Variants in PXN observed in about 807,000 individuals in gnomAD.
PXN encodes testicular tissue protein Li 134.
PXN carries 61 observed loss-of-function variants against 103.6 expected under a neutral mutation model. The ratio of observed to expected loss-of-function variants is 0.59; its 90% CI spans 0.48 to 0.73. PXN has a LOEUF of 0.73. Among genes scored for constraint, PXN ranks in the 30% least tolerant of loss-of-function variants. The probability of loss-of-function intolerance (pLI) is 0.00; values close to 1 mark genes in which losing one functional copy is unlikely to be tolerated. For synonymous variants in PXN, 562 were observed against 607.8 expected (o/e 0.92, Z 1.11); for missense variants, 1,274 against 1,460.3 (o/e 0.87, Z 2.08).
chr12:120,232,439 C>T (rs548598269), intron 1 of PXN, among the ~76,000 whole-genome samples: 4 of 152,336 alleles, frequency 2.6e-5, no homozygotes, highest in Admixed American at 2.0e-4. Flanking sequence ...ATGTCATCCA[C>T]CTCTTTAGGT....
rs1235041814 is a variant in PXN, at chr12:120,217,135, G to A, written c.1717-19C>T. On this transcript the variant is annotated intron_variant, in intron 7 of 14. Coordinates refer to ENST00000637617, the MANE Select transcript of PXN (RefSeq NM_001385981.1). The surrounding 1 kb of genome is among the most constrained non-coding windows in gnomAD (Gnocchi z 4.1). ...ATCGGATCTAGGGGGAGGGGGAGGG[G>A]AGGCTGTCACCGTCCCACTCCCAGC... 5 of 1,558,888 alleles carry A rather than the reference G, an allele frequency of 3.2e-6. No homozygotes were observed. The highest frequency in any genetic ancestry group is 2.3e-5 in the South Asian group (2 of 86,374).
At chr12:120,230,320 C>T (rs980272130) in intron 1 of PXN, among the ~76,000 whole-genome samples, 1 of 152,190 alleles carries the variant, frequency 6.6e-6, no homozygotes, top group Non-Finnish European at 1.5e-5. Context: ...AGTCCCTGTC[C>T]TAGGGGGTCT....
At chr12:120,233,188 C>T (rs528978338) in intron 1 of PXN, among the ~76,000 whole-genome samples, 2 of 152,336 alleles carry the variant, frequency 1.3e-5, no homozygotes, top group South Asian at 4.1e-4. Flanking sequence ...AACTTCTTGG[C>T]ACCCAGCCTT....
At chr12:120,259,343 G>A (rs1293502073) in intron 1 of PXN, among the ~76,000 whole-genome samples, 2 of 152,110 alleles carry the variant, frequency 1.3e-5, no homozygotes, top group Admixed American at 1.3e-4. Context: ...AGTGAGCCAA[G>A]ATCGCGCTGC....
Position 120,224,267 on chromosome 12 carries a change from C to G in PXN, c.124G>C (p.Glu42Gln), listed in dbSNP as rs746814882. ...GGGACGGGGGGTGGCACGGCAATCT[C>G]CTGGTATGTGTGGTTTCCAGTTGGG... ...SYPTGNHTYQ[E>Q]IAVPPPVPPP... The change falls in exon 2 of 15, where the codon GAG (glutamate) becomes CAG (glutamine). Residue 42 changes from glutamate to glutamine, a missense_variant. By Grantham distance (29) the Glu-to-Gln change is conservative. This residue lies in a region of PXN where 1,178 missense variants were observed against 1,309.0 expected (regional missense o/e 0.90). Coordinates refer to ENST00000637617, the MANE Select transcript of PXN (RefSeq NM_001385981.1). This position sits in a 1 kb window ranked among gnomAD's most constrained non-coding sequence, Gnocchi z 5.0. 3.7e-6 allele frequency: 6 copies of G among 1,613,702 alleles called. No homozygotes were observed. The highest frequency in any genetic ancestry group is 4.2e-6 in the Non-Finnish European group (5 of 1,179,780).
In PXN at chr12:120,217,339, G is replaced by A. The variant is rs1245178881; in HGVS notation, c.1717-223C>T. ...GACTGGCTCCAGAAGCACAGGCTGCGAGCGAGACCTCTGACCCAGCATTCA... is the reference window on the plus strand; with the variant it reads ...GACTGGCTCCAGAAGCACAGGCTGCAAGCGAGACCTCTGACCCAGCATTCA... On this transcript the variant is annotated intron_variant, in intron 7 of 14. Transcript: ENST00000637617. The surrounding 1 kb of genome is among the most constrained non-coding windows in gnomAD (Gnocchi z 4.1). Among the ~76,000 whole-genome samples the A allele has an allele frequency of 6.6e-6, 1 of 152,148 alleles. No individual in the cohort carries two copies. The highest frequency in any genetic ancestry group is 2.4e-5 in the African/African-American group (1 of 41,408).
intron 1 of PXN, among the ~76,000 whole-genome samples, chr12:120,249,028 G>A (rs1044581604): frequency 3.3e-5 from 5 of 152,022 alleles, no homozygotes; most frequent in African/African-American, 4.8e-5. Context: ...TCCCAGATAC[G>A]TGGGAGGCTG....
Position 120,217,274 on chromosome 12 carries a change from C to A in PXN, c.1717-158G>T, listed in dbSNP as rs1431074540. 6.6e-6 allele frequency among the ~76,000 whole-genome samples: 1 copy of A among 151,946 alleles called. No homozygotes were observed. The highest frequency in any genetic ancestry group is 1.5e-5 in the Non-Finnish European group (1 of 67,982). ...AGGCACGGGGAGGGGGCAGATTGGA[C>A]CGGTGGAGGTGGGTAGAGGCAAGGG... On this transcript the variant is annotated intron_variant, in intron 7 of 14. Transcript: ENST00000637617. The surrounding 1 kb of genome is among the most constrained non-coding windows in gnomAD (Gnocchi z 4.1).
In PXN at chr12:120,224,076, C is replaced by A. The variant is rs1886081698; in HGVS notation, c.240+75G>T. 8.1e-7 allele frequency: 1 copy of A among 1,235,578 alleles called. No homozygotes were observed. The highest frequency in any genetic ancestry group is 1.5e-5 in the African/African-American group (1 of 65,856). 76.5% of individuals were successfully genotyped at this position (1,235,578 alleles called of 1,614,324 possible). ...CCCAATTCCATTCCATCCCCTGGCT[C>A]CCTAAGCCCCTGCCAGCTAAGTTCC... is the stretch of plus-strand genomic sequence containing the variant. On this transcript the variant is annotated intron_variant, in intron 2 of 14. Coordinates refer to ENST00000637617, the MANE Select transcript of PXN (RefSeq NM_001385981.1). The surrounding 1 kb of genome is among the most constrained non-coding windows in gnomAD (Gnocchi z 5.0).
chr12:120,246,785 G>A (rs923726485), intron 1 of PXN, among the ~76,000 whole-genome samples: 24 of 151,562 alleles, frequency 1.6e-4, no homozygotes, highest in South Asian at 6.3e-4. Flanking sequence ...AACCCGGGAG[G>A]CAGAGGTTGC....
Position 120,219,172 on chromosome 12 carries a change from G to GGCCATGCCCAGCA in PXN, c.1716+22_1716+34dup, listed in dbSNP as rs1381942587. Reference sequence around the variant, plus strand: ...GCGGCCCACACTCAGACCCGCCAATGGCCATGCCCAGCAGCCATGCGAGCT... The same window carrying GGCCATGCCCAGCA: ...GCGGCCCACACTCAGACCCGCCAATGGCCATGCCCAGCAGCCATGCCCAGCAGCCATGCGAGCT... On this transcript the variant is annotated intron_variant, in intron 7 of 14. Coordinates refer to ENST00000637617, the MANE Select transcript of PXN (RefSeq NM_001385981.1). This position sits in a 1 kb window ranked among gnomAD's most constrained non-coding sequence, Gnocchi z 6.5. 6.6e-7 allele frequency: 1 copy of GGCCATGCCCAGCA among 1,512,156 alleles called. No homozygotes were observed. Among genetic ancestry groups the GGCCATGCCCAGCA allele is most frequent in the Admixed American group, 2.1e-5 (1 of 47,676 alleles). The allele number at this position is 1,512,156 out of a possible 1,614,324, so 93.7% of individuals were successfully genotyped here.
At position 120,246,138 on chromosome 12, in the gene PXN, GC is replaced by G. The variant is rs1333773805; in HGVS notation, c.13+19478del. On this transcript the variant is annotated intron_variant, in intron 1 of 14. Coordinates refer to ENST00000637617, the MANE Select transcript of PXN (RefSeq NM_001385981.1). The stretch of plus-strand genomic sequence containing the variant: ...ACAATGGCTCACACCTATAATCCCA[GC>G]GCATTGGGAGGCCAAAGCAGGAGGA... Among the ~76,000 whole-genome samples, 474 of 152,280 alleles carry G rather than the reference GC, an allele frequency of 3.1e-3. 1 individual carries two copies. The highest frequency in any genetic ancestry group is 0.011 in the African/African-American group (457 of 41,554).
In PXN at chr12:120,216,243, C is replaced by T; in HGVS notation, c.2301+30G>A. On this transcript the variant is annotated intron_variant, in intron 9 of 14. Transcript: ENST00000637617. The surrounding 1 kb of genome is among the most constrained non-coding windows in gnomAD (Gnocchi z 5.1). Reference sequence around the variant, plus strand: ...ATGGCTCAGGCATTAGGACAGGGGACAGAAAGGGAGGGGCTCCTTTAAGGC... The same window carrying T: ...ATGGCTCAGGCATTAGGACAGGGGATAGAAAGGGAGGGGCTCCTTTAAGGC... 1 of 1,270,108 alleles carries T rather than the reference C, an allele frequency of 7.9e-7. No individual in the cohort carries two copies. The highest frequency in any genetic ancestry group is 3.2e-5 in the South Asian group (1 of 31,010). The allele number at this position is 1,270,108 out of a possible 1,614,324, so 78.7% of individuals were successfully genotyped here. A position where few individuals can be genotyped will look rare whatever the true frequency, so the allele number is the denominator to read the frequency against.
Position 120,224,820 on chromosome 12 carries a change from C to T in PXN, c.14-443G>A, listed in dbSNP as rs1454358844. 4.5e-6 allele frequency: 2 copies of T among 439,636 alleles called. No individual in the cohort carries two copies. The highest frequency in any genetic ancestry group is 1.6e-5 in the South Asian group (1 of 63,702). 27.2% of individuals were successfully genotyped at this position (439,636 alleles called of 1,614,324 possible). ...CAGGCCCTCACTTGATTTCTAAGAGCTTAGGCTTTCCCAGCCCCCGACTGG... is the reference window on the plus strand; with the variant it reads ...CAGGCCCTCACTTGATTTCTAAGAGTTTAGGCTTTCCCAGCCCCCGACTGG... On this transcript the variant is annotated intron_variant, in intron 1 of 14. Transcript: ENST00000637617. This position sits in a 1 kb window ranked among gnomAD's most constrained non-coding sequence, Gnocchi z 5.0.
At chr12:120,256,633 C>T (rs538012020) in intron 1 of PXN, among the ~76,000 whole-genome samples, 1 of 152,234 alleles carries the variant, frequency 6.6e-6, no homozygotes, top group East Asian at 1.9e-4. Flanking sequence ...CTACTATGTG[C>T]TAAGCACCTC....
chr12:120,230,068 C>G (rs1052855613), intron 1 of PXN, among the ~76,000 whole-genome samples: 2 of 152,210 alleles, frequency 1.3e-5, no homozygotes, highest in Non-Finnish European at 2.9e-5. Flanking sequence ...AGGTATTTTC[C>G]AGCCCCTTCA....
At chr12:120,248,506 A>T (rs1474748796) in intron 1 of PXN, among the ~76,000 whole-genome samples, 3 of 147,136 alleles carry the variant, frequency 2.0e-5, no homozygotes, top group African/African-American at 7.4e-5. Context: ...ACACACACAC[A>T]CACACACACA....
Position 120,216,716 on chromosome 12 carries a change from A to G in PXN, c.1992+125T>C, listed in dbSNP as rs1883170256. ...AGTGGGGCCAGTCTTCCAAAGTCAC[A>G]GGAGGCAAGAAACCCCCACCCTCTC... On this transcript the variant is annotated intron_variant, in intron 8 of 14. Transcript: ENST00000637617. This position sits in a 1 kb window ranked among gnomAD's most constrained non-coding sequence, Gnocchi z 5.1. 3 of 1,594,280 alleles carry G rather than the reference A, an allele frequency of 1.9e-6. No homozygotes were observed. Among genetic ancestry groups the G allele is most frequent in the East Asian group, 4.5e-5 (2 of 44,510 alleles).
Position 120,212,673 on chromosome 12 carries a change from C to T in PXN, c.2980-93G>A, listed in dbSNP as rs564609962. ...CCGAGGTGGGCATAGTCGGCACGCT[C>T]GGAGTGACTCCTACTTGCTAGGCGT... On this transcript the variant is annotated intron_variant, in intron 14 of 14. Coordinates refer to ENST00000637617, the MANE Select transcript of PXN (RefSeq NM_001385981.1). The surrounding 1 kb of genome is among the most constrained non-coding windows in gnomAD (Gnocchi z 7.2). 8.3e-6 allele frequency: 12 copies of T among 1,438,938 alleles called. No homozygotes were observed. Among genetic ancestry groups the T allele is most frequent in the Admixed American group, 5.8e-5 (3 of 51,786 alleles). The allele number at this position is 1,438,938 out of a possible 1,614,324, so 89.1% of individuals were successfully genotyped here. A position where few individuals can be genotyped will look rare whatever the true frequency, so the allele number is the denominator to read the frequency against.
Sources: gnomAD v4.1 joint callset for allele counts (sites outside exome capture counted in the v4.1 genomes callset) on GRCh38, gnomAD v4.1.1 for gene constraint, gnomAD v4.1.1 regional missense constraint, Gnocchi (gnomAD v3.1) non-coding constraint, MANE v1.5 for transcripts, NCBI Gene and HGNC (gene_info 2026-07-23, HGNC 2026-07-21) for gene names.